Variants in PNPLA8 observed in about 807,000 individuals in gnomAD.
The protein encoded by PNPLA8 is patatin like domain 8, phospholipase A2.
PNPLA8 carries 39 observed loss-of-function variants against 76.9 expected under a neutral mutation model. That is an observed-to-expected ratio of 0.51 (90% CI 0.39 to 0.66). The LOEUF (loss-of-function observed/expected upper bound fraction) is 0.66, where lower values mean the gene tolerates loss of function less well. Among genes scored for constraint, PNPLA8 ranks in the 30% least tolerant of loss-of-function variants. The pLI, the probability that PNPLA8 is intolerant of heterozygous loss-of-function variation, is 0.00. For missense variants in PNPLA8, 887 were observed against 918.0 expected, an observed-to-expected ratio of 0.97 and a Z score of 0.44; for synonymous variants, 301 against 307.9, an observed-to-expected ratio of 0.98 and a Z score of 0.24.
intron 4 of PNPLA8, among the ~76,000 whole-genome samples, chr7:108,513,925 A>G (rs950357702): frequency 6.6e-6 from 1 of 152,230 alleles, no homozygotes; most frequent in Non-Finnish European, 1.5e-5. Flanking sequence ...ATAAATGTTT[A>G]ATTTCAAAGT....
At position 108,515,284 on chromosome 7, in the gene PNPLA8, G is replaced by A. The variant is rs1019642712; in HGVS notation, c.208C>T (p.His70Tyr). The A allele has an allele frequency of 1.2e-6, 2 of 1,609,466 alleles. No individual in the cohort carries two copies. The highest frequency in any genetic ancestry group is 1.7e-6 in the Non-Finnish European group (2 of 1,177,998). Residue 70 changes from histidine to tyrosine, a missense_variant, in exon 3 of 11, where the codon CAC (histidine) becomes TAC (tyrosine). Transcript: ENST00000257694. Reference protein sequence around the residue: ...TKSEAHSCSKHCYSPSNHGLH... With the variant: ...TKSEAHSCSKYCYSPSNHGLH... The stretch of plus-strand genomic sequence containing the variant: ...CCATGGTTGCTTGGAGAGTAACAGT[G>A]CTTACTGCAAGAATGTGCTTCACTT...
intron 7 of PNPLA8, among the ~76,000 whole-genome samples, chr7:108,496,060 C>T (rs563652573): frequency 6.6e-6 from 1 of 152,098 alleles, no homozygotes; most frequent in South Asian, 2.1e-4. Flanking sequence ...ATGGTGAAAT[C>T]TTCTCTCTAC....
intron 7 of PNPLA8, among the ~76,000 whole-genome samples, chr7:108,492,978 C>T (rs1294271194): frequency 2.0e-5 from 3 of 152,124 alleles, no homozygotes; most frequent in African/African-American, 7.2e-5. Flanking sequence ...AATGATGAGA[C>T]GAAGCTTGGG....
At chr7:108,523,264 T>C (rs1598987221) in intron 1 of PNPLA8, among the ~76,000 whole-genome samples, 1 of 152,134 alleles carries the variant, frequency 6.6e-6, no homozygotes, top group East Asian at 1.9e-4. Context: ...TAATTATTAA[T>C]ATAACAGTCA....
intron 4 of PNPLA8, among the ~76,000 whole-genome samples, chr7:108,505,833 A>T (rs1326602058): frequency 6.6e-6 from 1 of 152,172 alleles, no homozygotes; most frequent in East Asian, 1.9e-4. Context: ...TAAGACATAC[A>T]CATACATACC....
intron 8 of PNPLA8, among the ~76,000 whole-genome samples, 179 bp downstream of exon 8, chr7:108,491,231 T>C (rs539441447): frequency 1.3e-5 from 2 of 152,188 alleles, no homozygotes; most frequent in Non-Finnish European, 1.5e-5. Context: ...CACTTGAACC[T>C]GGGAGACGGA....
chr7:108,488,847 A>C (rs1860935399), intron 8 of PNPLA8, among the ~76,000 whole-genome samples: 1 of 152,176 alleles, frequency 6.6e-6, no homozygotes, highest in Admixed American at 6.5e-5. Flanking sequence ...ATGATCTGTA[A>C]TACAAACTTA....
At chr7:108,475,629 G>A (rs572979125) in intron 10 of PNPLA8, among the ~76,000 whole-genome samples, 1 of 152,132 alleles carries the variant, frequency 6.6e-6, no homozygotes, top group East Asian at 1.9e-4. Context: ...TTCAGATCTT[G>A]CATGTAGCCC....
intron 2 of PNPLA8, 147 bp from the exon 3 acceptor site, chr7:108,515,721 T>C (rs1403755478): frequency 3.0e-6 from 1 of 338,788 alleles, no homozygotes; most frequent in African/African-American, 2.1e-5. Flanking sequence ...AGAAAATTCA[T>C]TTTTAAGCTA....
intron 4 of PNPLA8, among the ~76,000 whole-genome samples, chr7:108,512,460 T>C (rs138386507): frequency 0.02 from 3,092 of 152,282 alleles, 41 homozygotes; most frequent in African/African-American, 0.027. Flanking sequence ...ATTCCCTAAA[T>C]GTGGCTGCCA....
At chr7:108,503,553 A>C (rs1258214189) in intron 4 of PNPLA8, among the ~76,000 whole-genome samples, 11 of 152,204 alleles carry the variant, frequency 7.2e-5, no homozygotes, top group Admixed American at 7.2e-4. Flanking sequence ...GTTAAGATGA[A>C]ATACTCTGTT....
chr7:108,504,425 GA>G (rs144055516), intron 4 of PNPLA8, among the ~76,000 whole-genome samples: 54,750 of 151,878 alleles, frequency 0.36, 10,295 homozygotes, highest in Middle Eastern at 0.51. Flanking sequence ...TCCAATGGAA[GA>G]TGTAAAAGAC....
intron 8 of PNPLA8, 94 bp downstream of exon 8, chr7:108,491,316 A>C (rs1598897098): frequency 1.3e-6 from 1 of 776,980 alleles, no homozygotes; most frequent in African/African-American, 1.8e-5. Flanking sequence ...TCAAAAAATA[A>C]AAATAAAATA....
chr7:108,484,486 A>G (rs999710391), intron 9 of PNPLA8, among the ~76,000 whole-genome samples: 2 of 152,130 alleles, frequency 1.3e-5, no homozygotes, highest in South Asian at 4.1e-4. Flanking sequence ...TCAACCTCCC[A>G]AAGTGCTGGG....
intron 7 of PNPLA8, among the ~76,000 whole-genome samples, chr7:108,493,731 T>C (rs1861367156): frequency 6.6e-6 from 1 of 152,088 alleles, no homozygotes; most frequent in African/African-American, 2.4e-5. Context: ...AAGATGTCAA[T>C]GTTCCACAAA....
rs1863158233 is a variant in PNPLA8, at chr7:108,514,493, A to C, written c.999T>G (p.Ala333=). 9 of 1,613,904 alleles carry C rather than the reference A, an allele frequency of 5.6e-6. No homozygotes were observed. Among genetic ancestry groups the C allele is most frequent in the Non-Finnish European group, 7.6e-6 (9 of 1,179,868 alleles). Residue 333 remains alanine, a synonymous_variant, in exon 3 of 11, where the codon GCT becomes GCG. Coordinates refer to ENST00000257694, the MANE Select transcript of PNPLA8 (RefSeq NM_001256007.3). ...EQEEPAKTDQ[A]VSKDRNAEEK... ...CCTCTGCATTTCTGTCTTTGCTGAC[A>C]GCCTGATCAGTTTTAGCAGGCTCTT...
chr7:108,497,543 C>T lies in PNPLA8; in HGVS notation c.1393G>A (p.Val465Ile), dbSNP rs1861632936. ...VVALQTLRKL[V>I]ELTQKPVHQL... ...TGAACTGGCTTCTGAGTAAGTTCAA[C>T]TAATTTTCGTAGGGTCTGGAGAGCA... The change falls in exon 6 of 11, where the codon GTT (valine) becomes ATT (isoleucine). Residue 465 changes from valine to isoleucine, a missense_variant. Transcript: ENST00000257694. 6.2e-7 allele frequency: 1 copy of T among 1,612,020 alleles called. No individual in the cohort carries two copies. Among genetic ancestry groups the T allele is most frequent in the African/African-American group, 1.3e-5 (1 of 74,796 alleles).
intron 1 of PNPLA8, among the ~76,000 whole-genome samples, chr7:108,524,381 G>A (rs1036686899): frequency 1.3e-5 from 2 of 152,182 alleles, no homozygotes; most frequent in African/African-American, 4.8e-5. Flanking sequence ...GAGCTAGGAA[G>A]AGGAAGAAAA....
intron 5 of PNPLA8, among the ~76,000 whole-genome samples, chr7:108,500,332 T>C (rs538499271): frequency 3.9e-5 from 6 of 152,332 alleles, no homozygotes; most frequent in Non-Finnish European, 7.4e-5. Flanking sequence ...TCTCCAGTTA[T>C]CACTTTATCT....
Sources: allele counts gnomAD v4.1 joint callset (sites outside exome capture counted in the v4.1 genomes callset), GRCh38; gene constraint gnomAD v4.1.1; transcripts MANE v1.5; gene names NCBI Gene and HGNC (gene_info 2026-07-23, HGNC 2026-07-21).